The following BRD4 variants were observed in gnomAD, a reference collection of about 807,000 sequenced individuals.
BRD4 encodes the protein bromodomain containing 4.
BRD4 carries 16 observed loss-of-function variants against 142.1 expected under a neutral mutation model. The observed-to-expected ratio is 0.11, with a 90% CI of 0.08 to 0.17. The LOEUF is 0.17. BRD4 is among the 10% of genes least tolerant of loss of function. The pLI, the probability that BRD4 is intolerant of heterozygous loss-of-function variation, is 1.00. For missense variants in BRD4, 1,424 were observed against 1,810.9 expected (o/e 0.79, Z 3.88); for synonymous variants, 833 against 707.5 (o/e 1.18, Z -2.82).
chr19:15,257,317 G>C, intron 7 of BRD4, 144 bp from the exon 8 acceptor site: 3 of 782,852 alleles, frequency 3.8e-6, no homozygotes, highest in East Asian at 2.7e-5. Flanking sequence ...CTTTGCTGCC[G>C]AGACAGGGGC....
chr19:15,286,973 G>A (rs1344326663), intron 1 of BRD4, among the ~76,000 whole-genome samples: 1 of 152,158 alleles, frequency 6.6e-6, no homozygotes, highest in African/African-American at 2.4e-5. Context: ...CAGGGATGGG[G>A]AATACTACAC....
intron 1 of BRD4, among the ~76,000 whole-genome samples, chr19:15,302,053 GCTA>G (rs2047873077): frequency 6.6e-6 from 1 of 151,668 alleles, no homozygotes; most frequent in Non-Finnish European, 1.5e-5. Flanking sequence ...TGTAATTCCA[GCTA>G]CTTGAGAGGT....
At position 15,301,865 on chromosome 19, in the gene BRD4, GAAAAAAA is replaced by G. The variant is rs952860124; in HGVS notation, c.-34-28739_-34-28733del. On this transcript the variant is annotated intron_variant, in intron 1 of 19. Transcript: ENST00000679869. Reference sequence around the variant, plus strand: ...CGACAGAGCGAGACTCCGTCTCAAAGAAAAAAAAAAAAAAAAAAAAAAAAGTTGCTGA... The same window carrying G: ...CGACAGAGCGAGACTCCGTCTCAAAGAAAAAAAAAAAAAAAAAGTTGCTGA... 8.1e-3 allele frequency among the ~76,000 whole-genome samples: 329 copies of G among 40,476 alleles called. 10 individuals are homozygous for G. In the East Asian group the frequency reaches 0.16, roughly 19 times the overall value. 26.6% of individuals were successfully genotyped at this position (40,476 alleles called of 152,430 possible). A position where few individuals can be genotyped will look rare whatever the true frequency, so the allele number is the denominator to read the frequency against.
chr19:15,255,607 T>A lies in BRD4; in HGVS notation c.1752-15A>T, dbSNP rs540327451. On this transcript the variant is annotated splice_polypyrimidine_tract_variant and intron_variant, in intron 9 of 19. Coordinates refer to ENST00000679869, the MANE Select transcript of BRD4 (RefSeq NM_001379291.1). Reference sequence around the variant, plus strand: ...GCTCCTTCTTGCTACGAAGGGACGATGCAGACACCATCAAGAACGGGCCCC... The same window carrying A: ...GCTCCTTCTTGCTACGAAGGGACGAAGCAGACACCATCAAGAACGGGCCCC... 6.3e-7 allele frequency: 1 copy of A among 1,587,050 alleles called. No homozygotes were observed. The highest frequency in any genetic ancestry group is 8.6e-7 in the Non-Finnish European group (1 of 1,162,606).
chr19:15,307,688 G>A (rs1459371539), intron 1 of BRD4, among the ~76,000 whole-genome samples: 2 of 152,118 alleles, frequency 1.3e-5, no homozygotes, highest in Non-Finnish European at 2.9e-5. Context: ...GGCTGAGGAG[G>A]GAAGAGGATG....
chr19:15,255,613 C>T (rs1261692953), intron 9 of BRD4, 21 bp from the exon 10 acceptor site: 1 of 1,582,246 alleles, frequency 6.3e-7, no homozygotes, highest in Admixed American at 1.7e-5. Context: ...ACGATGCAGA[C>T]ACCATCAAGA....
chr19:15,269,158 G>C, intron 2 of BRD4, 116 bp from the exon 3 acceptor site: 1 of 1,149,708 alleles, frequency 8.7e-7, no homozygotes, highest in South Asian at 1.5e-5. Context: ...GTAAATCCAC[G>C]GGAGCCACAG....
At chr19:15,242,832 G>A (rs1327634708) in intron 14 of BRD4, 68 bp downstream of exon 14, 16 of 1,550,316 alleles carry the variant, frequency 1.0e-5, no homozygotes, top group Non-Finnish European at 1.4e-5. Context: ...AACCCTTCTG[G>A]CTTCCTGAGG....
rs200850854 is a variant in BRD4, at chr19:15,238,097, C to G, written c.*280G>C. 2.1e-6 allele frequency: 1 copy of G among 474,538 alleles called. No individual in the cohort carries two copies. Among genetic ancestry groups the G allele is most frequent in the African/African-American group, 2.0e-5 (1 of 51,188 alleles). 29.4% of individuals were successfully genotyped at this position (474,538 alleles called of 1,614,324 possible). A position where few individuals can be genotyped will look rare whatever the true frequency, so the allele number is the denominator to read the frequency against. ...GGCCTCTGCCCCGCATGTGGGGATG[C>G]AGGGCTTGGGTCCAGCCGGCACTTG... On this transcript the variant is annotated 3_prime_UTR_variant, in exon 20 of 20. Transcript: ENST00000679869. The surrounding 1 kb of genome is among the most constrained non-coding windows in gnomAD (Gnocchi z 7.2).
intron 11 of BRD4, chr19:15,245,050 G>T: frequency 1.9e-6 from 1 of 529,898 alleles, no homozygotes; most frequent in South Asian, 2.1e-5. Flanking sequence ...CTGAGAGCTT[G>T]CCCAACGCCT....
intron 1 of BRD4, among the ~76,000 whole-genome samples, chr19:15,312,363 G>C (rs1386154736): frequency 2.0e-5 from 3 of 152,094 alleles, no homozygotes; most frequent in Non-Finnish European, 4.4e-5. Flanking sequence ...GCCAGGTGCG[G>C]TGGCTCACAC....
rs1326093353 is a variant in BRD4, at chr19:15,280,788, A to G, written c.-34-7655T>C. ...CTCCACCGCTCCAAGGCTCTTGAAT[A>G]AACAATTATTTTCAGGGAATGCTAG... On this transcript the variant is annotated intron_variant, in intron 1 of 19. Coordinates refer to ENST00000679869, the MANE Select transcript of BRD4 (RefSeq NM_001379291.1). Among the ~76,000 whole-genome samples the G allele has an allele frequency of 5.3e-5, 8 of 152,218 alleles. No homozygotes were observed. In the East Asian group the frequency reaches 1.3e-3, roughly 26 times the overall value.
chr19:15,254,031 G>A (rs998099255), intron 11 of BRD4, 121 bp downstream of exon 11: 11 of 829,448 alleles, frequency 1.3e-5, no homozygotes, highest in Middle Eastern at 2.6e-4. Context: ...ACAGACAGAG[G>A]AACCCAGCAA....
At chr19:15,314,668 C>A (rs2048001403) in intron 1 of BRD4, among the ~76,000 whole-genome samples, 1 of 152,122 alleles carries the variant, frequency 6.6e-6, no homozygotes, top group African/African-American at 2.4e-5. Context: ...ACTAAAGTGA[C>A]CCCATTTTCT....
At chr19:15,257,832 C>CT (rs1188436087) in intron 7 of BRD4, among the ~76,000 whole-genome samples, 1 of 152,132 alleles carries the variant, frequency 6.6e-6, no homozygotes, top group Non-Finnish European at 1.5e-5. Flanking sequence ...GTGTGGGGCA[C>CT]TGAGGACAGG....
At chr19:15,257,735 C>CT (rs1290835871) in intron 7 of BRD4, among the ~76,000 whole-genome samples, 5 of 152,200 alleles carry the variant, frequency 3.3e-5, no homozygotes, top group Non-Finnish European at 7.3e-5. Context: ...CAGATAGCCC[C>CT]TGCAGCACTT....
At chr19:15,320,595 T>C (rs1220319740) in intron 1 of BRD4, among the ~76,000 whole-genome samples, 1 of 152,216 alleles carries the variant, frequency 6.6e-6, no homozygotes, top group Non-Finnish European at 1.5e-5. Flanking sequence ...TTATCCAAGA[T>C]TTTCCTGAAC....
rs376586414 is a variant in BRD4, at chr19:15,265,450, C to A, written c.753G>T (p.Pro251=). The A allele has an allele frequency of 1.3e-6, 2 of 1,547,816 alleles. No individual in the cohort carries two copies. The highest frequency in any genetic ancestry group is 2.8e-5 in the African/African-American group (2 of 70,288). ...GGGGTTGTGGCTGGGGGGGCACTGG[C>A]GGGGGCGTCTGCAGTGGCTGGGGAG... ...VVPPQPLQTP[P]PVPPQPQPPP... Residue 251 remains proline (P), a synonymous_variant, in exon 5 of 20, where the codon CCG becomes CCT. Coordinates refer to ENST00000679869, the MANE Select transcript of BRD4 (RefSeq NM_001379291.1).
chr19:15,248,108 G>GC, intron 11 of BRD4: 2 of 218,674 alleles, frequency 9.1e-6, no homozygotes, highest in East Asian at 1.3e-4. Context: ...AAAATGAAAA[G>GC]CCCCTGAAAC....
Sources: allele counts gnomAD v4.1 joint callset (sites outside exome capture counted in the v4.1 genomes callset), GRCh38; gene constraint gnomAD v4.1.1; non-coding constraint Gnocchi (gnomAD v3.1); transcripts MANE v1.5; gene names NCBI Gene and HGNC (gene_info 2026-07-23, HGNC 2026-07-21).